The following ANKRD36C variants were observed in gnomAD, a reference collection of about 807,000 sequenced individuals.
The protein encoded by ANKRD36C is ankyrin repeat domain-containing protein 36C.
Under a neutral mutation model 276.4 loss-of-function variants are expected in ANKRD36C, and 61 were observed. The observed-to-expected ratio is 0.22, with a 90% CI of 0.18 to 0.27. ANKRD36C has a LOEUF of 0.27. Ranked by LOEUF, ANKRD36C falls within the 10% of genes least tolerant of loss-of-function variation. ANKRD36C has a pLI of 1.00. For synonymous variants in ANKRD36C, 483 were observed against 680.1 expected, an observed-to-expected ratio of 0.71 and a Z score of 4.51; for missense variants, 1,447 against 2,032.3, an observed-to-expected ratio of 0.71 and a Z score of 5.54.
At chr2:95,876,584 G>A in intron 58 of ANKRD36C, 72 bp from the exon 79 acceptor site, 1 of 774,320 alleles carries the variant, frequency 1.3e-6, no homozygotes, top group Middle Eastern at 3.5e-4. Flanking sequence ...GTCAGCGGTG[G>A]CTCACGCCTG....
At chr2:95,890,129 C>CT in intron 46 of ANKRD36C, 135 bp from the exon 67 acceptor site, 2 of 1,205,186 alleles carry the variant, frequency 1.7e-6, no homozygotes, top group African/African-American at 1.5e-5. Flanking sequence ...TATATTGTGT[C>CT]GGGGACAAGA....
rs191292076 is a variant in ANKRD36C, at chr2:95,869,826, G to A, written c.3541-2245C>T. 3.6e-3 allele frequency among the ~76,000 whole-genome samples: 554 copies of A among 152,342 alleles called. 4 individuals carry two copies. Among genetic ancestry groups the A allele is most frequent in the Non-Finnish European group, 7.0e-3 (474 of 68,024 alleles). On this transcript the variant is annotated intron_variant, in intron 59 of 66. Coordinates refer to ENST00000456556, the Ensembl canonical transcript of ANKRD36C. Reference sequence around the variant, plus strand: ...TCCCACCCTAATACTGCACTTTTCCGATGGGCTTAAAAAACGGCACACCAG... The same window carrying A: ...TCCCACCCTAATACTGCACTTTTCCAATGGGCTTAAAAAACGGCACACCAG...
intron 13 of ANKRD36C, among the ~76,000 whole-genome samples, chr2:95,956,329 T>C (rs1259559354): frequency 6.6e-6 from 1 of 152,280 alleles, no homozygotes; most frequent in African/African-American, 2.4e-5. Flanking sequence ...ACCACTGCCA[T>C]TTCCAAAATA....
At chr2:95,963,964 T>TATATATAA (rs1232707815) in intron 6 of ANKRD36C, among the ~76,000 whole-genome samples, 2 of 55,744 alleles carry the variant, frequency 3.6e-5, no homozygotes, top group Non-Finnish European at 6.6e-5. Context: ...TATAAATATA[T>TATATATAA]ATATATAAAT....
chr2:95,961,385 G>T (rs187261586), intron 8 of ANKRD36C, among the ~76,000 whole-genome samples: 30 of 151,986 alleles, frequency 2.0e-4, no homozygotes, highest in Non-Finnish European at 3.8e-4. Flanking sequence ...ATCAAATTTA[G>T]CATACTTATA....
chr2:95,972,666 C>T (rs535578669), intron 6 of ANKRD36C, among the ~76,000 whole-genome samples: 1 of 152,276 alleles, frequency 6.6e-6, no homozygotes, highest in South Asian at 2.1e-4. Flanking sequence ...GTGATGTGAC[C>T]TCTGACTACG....
At chr2:95,978,901 C>A (rs1678863623) in intron 5 of ANKRD36C, among the ~76,000 whole-genome samples, 3 of 151,954 alleles carry the variant, frequency 2.0e-5, no homozygotes, top group Non-Finnish European at 2.9e-5. Context: ...AGAAAACTAA[C>A]AGATGTCAAG....
In ANKRD36C at chr2:95,897,305, G is replaced by C. The variant is rs1401409612; in HGVS notation, c.2755+1840C>G. ...TTTTTCTCCATGCTTTTTTCCTCTG[G>C]CTATATTCAAAAGAGAATCTTTCTC... On this transcript the variant is annotated intron_variant, in intron 44 of 66. Transcript: ENST00000456556. 1.4e-5 allele frequency: 22 copies of C among 1,534,832 alleles called. 1 individual carries two copies. The East Asian group carries it at 5.2e-4, about 37-fold the overall frequency.
chr2:95,859,188 A>G (rs980867881), intron 61 of ANKRD36C, among the ~76,000 whole-genome samples: 2 of 151,916 alleles, frequency 1.3e-5, no homozygotes, highest in Admixed American at 6.6e-5. Flanking sequence ...TGCAACCACC[A>G]CACCTGGCTA....
intron 60 of ANKRD36C, among the ~76,000 whole-genome samples, chr2:95,866,504 C>T (rs1675685671): frequency 6.6e-6 from 1 of 151,970 alleles, no homozygotes; most frequent in South Asian, 2.1e-4. Flanking sequence ...AGAAGATGTA[C>T]AGATGGCAAA....
intron 60 of ANKRD36C, among the ~76,000 whole-genome samples, chr2:95,864,627 C>A (rs1675647803): frequency 1.3e-5 from 2 of 152,166 alleles, no homozygotes; most frequent in South Asian, 2.1e-4. Context: ...TCTTTATACA[C>A]AACCATGACC....
In ANKRD36C at chr2:95,914,097, T is replaced by G. The variant is rs1445144050; in HGVS notation, c.2551+11A>C. The G allele has an allele frequency of 1.3e-6, 2 of 1,556,494 alleles. No homozygotes were observed. The highest frequency in any genetic ancestry group is 1.7e-4 in the Middle Eastern group (1 of 5,808). On this transcript the variant is annotated intron_variant, in intron 40 of 66. Transcript: ENST00000456556. The stretch of plus-strand genomic sequence containing the variant: ...GACTGATCATGACATTAAATCTCTT[T>G]TCAAAATTACCTCTCCTAGTTTTTT...
At chr2:95,912,288 G>A (rs767323942) in exon 42 of ANKRD36C, 12 of 1,567,158 alleles carry the variant, frequency 7.7e-6, no homozygotes, top group South Asian at 6.9e-5. Context: ...GGTTATATTC[G>A]AAAAAGAATC....
intron 5 of ANKRD36C, 47 bp downstream of exon 5, chr2:95,980,601 T>A: frequency 6.3e-7 from 1 of 1,581,104 alleles, no homozygotes; most frequent in Non-Finnish European, 8.6e-7. Flanking sequence ...TACAATTATT[T>A]TAAACTTCAA....
intron 37 of ANKRD36C, 33 bp from the exon 40 acceptor site, chr2:95,916,085 G>C: frequency 4.4e-6 from 7 of 1,600,922 alleles, no homozygotes; most frequent in Non-Finnish European, 6.0e-6. Flanking sequence ...TAATAAATAA[G>C]GTATGTTTCA....
chr2:95,948,464 A>G (rs4907288), intron 17 of ANKRD36C, 66 bp downstream of exon 17: 533,011 of 1,457,534 alleles, frequency 0.37, 98,997 homozygotes, highest in East Asian at 0.44. Flanking sequence ...GCTAAGTTTT[A>G]GAAGAAAATA....
intron 9 of ANKRD36C, 28 bp downstream of exon 9, chr2:95,960,611 A>T (rs1250127221): frequency 1.3e-5 from 18 of 1,365,338 alleles, no homozygotes; most frequent in Non-Finnish European, 1.8e-5. Context: ...ACAGTTAATT[A>T]TTCAAAATAT....
chr2:95,912,732 T>G (rs1465424435), intron 40 of ANKRD36C, among the ~76,000 whole-genome samples: 2 of 151,476 alleles, frequency 1.3e-5, no homozygotes, highest in Non-Finnish European at 3.0e-5. Flanking sequence ...AGGACAAATG[T>G]GATCTAAAAT....
chr2:95,987,721 A>G (rs1454337055), intron 1 of ANKRD36C, among the ~76,000 whole-genome samples: 1 of 146,380 alleles, frequency 6.8e-6, no homozygotes, highest in African/African-American at 2.6e-5. Flanking sequence ...TCCCGGGTTC[A>G]CGACATTCTC....
Sources: allele counts gnomAD v4.1 joint callset (sites outside exome capture counted in the v4.1 genomes callset), GRCh38; gene constraint gnomAD v4.1.1; transcripts MANE v1.5; gene names NCBI Gene and HGNC (gene_info 2026-07-23, HGNC 2026-07-21).